The following NFILZ variants were observed in gnomAD, a reference collection of about 807,000 sequenced individuals.
The protein encoded by NFILZ is NFIL3 like basic leucine zipper, also known as NFIL3 like protein.
chr19:8,658,721 T>C (rs1048931868), intron 3 of NFILZ, among the ~76,000 whole-genome samples: 36 of 152,008 alleles, frequency 2.4e-4, no homozygotes, highest in African/African-American at 7.7e-4. Flanking sequence ...AAGCATCTAC[T>C]ATATGCCAGC....
intron 3 of NFILZ, among the ~76,000 whole-genome samples, chr19:8,666,807 CACTACAGCCT>C (rs1360381776): frequency 1.3e-5 from 2 of 152,060 alleles, no homozygotes; most frequent in African/African-American, 4.8e-5. Flanking sequence ...GATCACAGCT[CACTACAGCCT>C]CGACCTCCCC....
chr19:8,672,791 G>A (rs2043094603), intron 3 of NFILZ, among the ~76,000 whole-genome samples: 1 of 151,904 alleles, frequency 6.6e-6, no homozygotes, highest in Non-Finnish European at 1.5e-5. Flanking sequence ...ACTTTTACAG[G>A]GCCTTCCTCC....
rs1434581416 is a variant in NFILZ, at chr19:8,681,104, C to T, written c.*3469C>T. Reference sequence around the variant, plus strand: ...GTTGTAGTTCTCCCCTTACCTCCATCCTGTGATGTGTGAGGCTGAGTGAAA... The same window carrying T: ...GTTGTAGTTCTCCCCTTACCTCCATTCTGTGATGTGTGAGGCTGAGTGAAA... On this transcript the variant is annotated 3_prime_UTR_variant, in exon 6 of 6. Transcript: ENST00000691075. 6.6e-6 allele frequency among the ~76,000 whole-genome samples: 1 copy of T among 152,150 alleles called. No individual in the cohort carries two copies. The highest frequency in any genetic ancestry group is 2.4e-5 in the African/African-American group (1 of 41,424).
chr19:8,645,026 C>T (rs1258304267), intron 3 of NFILZ, among the ~76,000 whole-genome samples: 9 of 151,008 alleles, frequency 6.0e-5, no homozygotes, highest in South Asian at 4.2e-4. Flanking sequence ...CCCCATCCCC[C>T]ACCTCAGCCT....
intron 3 of NFILZ, among the ~76,000 whole-genome samples, chr19:8,644,695 G>C (rs1555746912): frequency 6.6e-6 from 1 of 151,732 alleles, no homozygotes; most frequent in Non-Finnish European, 1.5e-5. Context: ...TGAACTCCTG[G>C]GCTCAAGCAA....
At chr19:8,656,679 G>T (rs539359691) in intron 3 of NFILZ, among the ~76,000 whole-genome samples, 12 of 152,220 alleles carry the variant, frequency 7.9e-5, no homozygotes, top group Non-Finnish European at 1.0e-4. Flanking sequence ...CTGCGCCCAG[G>T]CCTGTGCTAG....
At chr19:8,665,065 C>T (rs931649905) in intron 3 of NFILZ, among the ~76,000 whole-genome samples, 7 of 152,136 alleles carry the variant, frequency 4.6e-5, no homozygotes, top group Non-Finnish European at 1.0e-4. Context: ...ATCTCACACT[C>T]TTATATTTAT....
At chr19:8,631,320 G>T (rs1555745491) in intron 1 of NFILZ, among the ~76,000 whole-genome samples, 1 of 152,148 alleles carries the variant, frequency 6.6e-6, no homozygotes, top group African/African-American at 2.4e-5. Flanking sequence ...GCCCAGTGGG[G>T]TTGCAAATTC....
At chr19:8,674,083 G>A (rs116123621) in intron 3 of NFILZ, among the ~76,000 whole-genome samples, 2,329 of 152,190 alleles carry the variant, frequency 0.015, 57 homozygotes, top group African/African-American at 0.053. Flanking sequence ...CTTGTGATCC[G>A]CCTGCCTCGG....
At chr19:8,633,875 C>CT (rs2042881329) in intron 2 of NFILZ, among the ~76,000 whole-genome samples, 3 of 144,400 alleles carry the variant, frequency 2.1e-5, no homozygotes, top group Non-Finnish European at 3.0e-5. Flanking sequence ...TATAACTTTT[C>CT]TCCCTTCCTT....
chr19:8,633,307 C>A (rs1555745757), intron 2 of NFILZ, among the ~76,000 whole-genome samples: 1 of 152,140 alleles, frequency 6.6e-6, no homozygotes. Context: ...TAGGTGGAAG[C>A]CAACGCGCCC....
At chr19:8,660,364 G>C (rs2146159801) in intron 3 of NFILZ, among the ~76,000 whole-genome samples, 1 of 152,096 alleles carries the variant, frequency 6.6e-6, no homozygotes, top group South Asian at 2.1e-4. Flanking sequence ...AGGGGGAATG[G>C]TCCCTGTTCT....
At chr19:8,672,318 C>A (rs1179312258) in intron 3 of NFILZ, among the ~76,000 whole-genome samples, 2 of 151,272 alleles carry the variant, frequency 1.3e-5, no homozygotes, top group Non-Finnish European at 2.9e-5. Context: ...AAAATCCATG[C>A]ACTTATTTGT....
At chr19:8,660,547 C>T (rs2043024760) in intron 3 of NFILZ, among the ~76,000 whole-genome samples, 1 of 150,824 alleles carries the variant, frequency 6.6e-6, no homozygotes, top group African/African-American at 2.4e-5. Context: ...TTCCTTCTTT[C>T]CTTCTCTCCT....
chr19:8,678,196 T>TCCATCCATCCATCCATCCAC lies in NFILZ; in HGVS notation c.*562_*563insCATCCATCCATCCATCCACC, dbSNP rs2043127526. Among the ~76,000 whole-genome samples the TCCATCCATCCATCCATCCAC allele has an allele frequency of 1.2e-5, 1 of 84,292 alleles. No homozygotes were observed. Among genetic ancestry groups the TCCATCCATCCATCCATCCAC allele is most frequent in the African/African-American group, 4.5e-5 (1 of 22,306 alleles). The allele number at this position is 84,292 out of a possible 152,430, so 55.3% of individuals were successfully genotyped here. ...ATCCATCCATCCATCCATCCGTCCA[T>TCCATCCATCCATCCATCCAC]CTATCCATCCATCCATTCATCCATC... On this transcript the variant is annotated 3_prime_UTR_variant, in exon 6 of 6. Transcript: ENST00000691075.
chr19:8,658,123 G>A (rs891613427), intron 3 of NFILZ, among the ~76,000 whole-genome samples: 6 of 152,316 alleles, frequency 3.9e-5, no homozygotes, highest in Admixed American at 2.0e-4. Context: ...GCAGGACAGT[G>A]CCTGGTGTGT....
intron 3 of NFILZ, among the ~76,000 whole-genome samples, chr19:8,637,912 C>CAAAAAAAAAAA: frequency 5.9e-4 from 12 of 20,264 alleles, no homozygotes; most frequent in African/African-American, 1.5e-3. Context: ...AAGATGGTCT[C>CAAAAAAAAAAA]AAAAAAAAAA....
In NFILZ at chr19:8,678,875, G is replaced by A. The variant is rs1002442718; in HGVS notation, c.*1240G>A. 9.9e-5 allele frequency among the ~76,000 whole-genome samples: 15 copies of A among 152,186 alleles called. No individual in the cohort carries two copies. The highest frequency in any genetic ancestry group is 4.6e-4 in the Admixed American group (7 of 15,272). ...GTGCCCAGTTAGTGACAAGTGAGAAGACACTTTTCTGGTCTTGGGTTTCCT... is the reference window on the plus strand; with the variant it reads ...GTGCCCAGTTAGTGACAAGTGAGAAAACACTTTTCTGGTCTTGGGTTTCCT... On this transcript the variant is annotated 3_prime_UTR_variant, in exon 6 of 6. Coordinates refer to ENST00000691075, the MANE Select transcript of NFILZ (RefSeq NM_001378600.1).
intron 3 of NFILZ, among the ~76,000 whole-genome samples, chr19:8,670,556 G>A (rs900707766): frequency 2.0e-5 from 3 of 152,246 alleles, no homozygotes; most frequent in Non-Finnish European, 2.9e-5. Context: ...CAGGCGCCAT[G>A]AGACTGGAAT....
Sources: gnomAD v4.1 joint callset for allele counts (sites outside exome capture counted in the v4.1 genomes callset) on GRCh38, gnomAD v4.1.1 for gene constraint, MANE v1.5 for transcripts, NCBI Gene and HGNC (gene_info 2026-07-23, HGNC 2026-07-21) for gene names.